Variants in GABRA4 observed in about 807,000 individuals in gnomAD.
The protein encoded by GABRA4 is gamma-aminobutyric acid type A receptor subunit alpha4.
A neutral mutation model predicts 49.7 loss-of-function variants in GABRA4; 12 were observed. The ratio of observed to expected loss-of-function variants is 0.24; its 90% CI spans 0.15 to 0.39. The LOEUF (loss-of-function observed/expected upper bound fraction) is 0.39, where lower values mean the gene tolerates loss of function less well. Ranked by LOEUF, GABRA4 falls within the 10% of genes least tolerant of loss-of-function variation. The pLI is 1.00. For synonymous variants in GABRA4, 288 were observed against 240.2 expected (o/e 1.20, Z -1.84); for missense variants, 506 against 686.0 (o/e 0.74, Z 2.93).
chr4:46,973,922 CA>C (rs1271544099), intron 6 of GABRA4, among the ~76,000 whole-genome samples: 1 of 151,654 alleles, frequency 6.6e-6, no homozygotes, highest in Non-Finnish European at 1.5e-5. Flanking sequence ...AAAGCAAAGA[CA>C]AAAAACAAGA....
At position 46,923,040 on chromosome 4, in the gene GABRA4, G is replaced by A. The variant is rs554627626; in HGVS notation, c.*5185C>T. ...AGGTTGTCCGCTCCTTATGAGAATC[G>A]ACTAATGCCTGATGATCTGAGATGG... is the stretch of plus-strand genomic sequence containing the variant. On this transcript the variant is annotated 3_prime_UTR_variant, in exon 9 of 9. Transcript: ENST00000264318. The A allele has an allele frequency of 1.3e-5, 2 of 152,112 alleles. No homozygotes were observed. Among genetic ancestry groups the A allele is most frequent in the African/African-American group, 2.4e-5 (1 of 41,488 alleles). 9.4% of individuals were successfully genotyped at this position (152,112 alleles called of 1,614,324 possible). A position where few individuals can be genotyped will look rare whatever the true frequency, so the allele number is the denominator to read the frequency against.
At chr4:46,933,179 CTAGAGTA>C (rs1239562778) in intron 8 of GABRA4, among the ~76,000 whole-genome samples, 1 of 151,980 alleles carries the variant, frequency 6.6e-6, no homozygotes, top group Non-Finnish European at 1.5e-5. Flanking sequence ...AAGTAATGAG[CTAGAGTA>C]TAAAGACTGT....
chr4:46,977,951 G>A (rs996337762), intron 3 of GABRA4, among the ~76,000 whole-genome samples: 15 of 151,922 alleles, frequency 9.9e-5, no homozygotes, highest in Non-Finnish European at 1.9e-4. Flanking sequence ...TTTTACTTTA[G>A]ACTAGATAGC....
chr4:46,976,883 G>A (rs1476680822), intron 5 of GABRA4, among the ~76,000 whole-genome samples, 178 bp downstream of exon 5: 1 of 151,828 alleles, frequency 6.6e-6, no homozygotes, highest in Non-Finnish European at 1.5e-5. Flanking sequence ...GGGAAAGGAG[G>A]TTGTTTTTAT....
At chr4:46,962,318 A>G (rs1560474121) in intron 8 of GABRA4, among the ~76,000 whole-genome samples, 1 of 151,882 alleles carries the variant, frequency 6.6e-6, no homozygotes, top group African/African-American at 2.4e-5. Flanking sequence ...TCAATAGTTA[A>G]CAATCTGAAA....
chr4:46,939,091 A>G (rs1721705184), intron 8 of GABRA4, among the ~76,000 whole-genome samples: 1 of 151,978 alleles, frequency 6.6e-6, no homozygotes, highest in Admixed American at 6.6e-5. Flanking sequence ...TCATTCCCTT[A>G]TGGGGTGAGG....
At chr4:46,953,402 T>A (rs1167498644) in intron 8 of GABRA4, among the ~76,000 whole-genome samples, 1 of 152,134 alleles carries the variant, frequency 6.6e-6, no homozygotes, top group Non-Finnish European at 1.5e-5. Context: ...CTCCTAAACT[T>A]CTTGGAAATT....
In GABRA4 at chr4:46,928,543, T is replaced by C. The variant is rs762161588; in HGVS notation, c.1347A>G (p.Arg449=). Reference sequence around the variant, plus strand: ...AAGTAGGAGAAGCAGATGGAAGTGCTCTTGCTGCAGATATGGTTTCAGCTG... The same window carrying C: ...AAGTAGGAGAAGCAGATGGAAGTGCCCTTGCTGCAGATATGGTTTCAGCTG... ...ANAAETISAA[R]ALPSASPTSI... Residue 449 remains arginine (R), a synonymous_variant, in exon 9 of 9, where the codon AGA becomes AGG. Coordinates refer to ENST00000264318, the MANE Select transcript of GABRA4 (RefSeq NM_000809.4). 3.1e-6 allele frequency: 5 copies of C among 1,613,684 alleles called. No individual in the cohort carries two copies. Among genetic ancestry groups the C allele is most frequent in the Non-Finnish European group, 4.2e-6 (5 of 1,179,758 alleles).
chr4:46,980,409 C>G (rs571116732), intron 2 of GABRA4, among the ~76,000 whole-genome samples: 2 of 147,330 alleles, frequency 1.4e-5, no homozygotes, highest in Non-Finnish European at 3.0e-5. Flanking sequence ...AAATTGGTAT[C>G]ACTTAATTCC....
At chr4:46,964,737 C>T (rs920347393) in intron 8 of GABRA4, among the ~76,000 whole-genome samples, 1 of 151,796 alleles carries the variant, frequency 6.6e-6, no homozygotes, top group Non-Finnish European at 1.5e-5. Context: ...CCGAAAGAAA[C>T]TTTCAAACAA....
rs928423759 is a variant in GABRA4 at position 46,927,983 on chromosome 4, G to A, written c.*242C>T. On this transcript the variant is annotated 3_prime_UTR_variant, in exon 9 of 9. Coordinates refer to ENST00000264318, the MANE Select transcript of GABRA4 (RefSeq NM_000809.4). The stretch of plus-strand genomic sequence containing the variant: ...TATTTCTCTTATCCCAACTTTCCAG[G>A]ATGGTGTGTATTCTATCTAACTGAA... 2 of 335,572 alleles carry A rather than the reference G, an allele frequency of 6.0e-6. No individual in the cohort carries two copies. The highest frequency in any genetic ancestry group is 4.3e-5 in the African/African-American group (2 of 46,542). The allele number at this position is 335,572 out of a possible 1,614,324, so 20.8% of individuals were successfully genotyped here. A position where few individuals can be genotyped will look rare whatever the true frequency, so the allele number is the denominator to read the frequency against.
At chr4:46,947,614 G>A (rs1368822867) in intron 8 of GABRA4, among the ~76,000 whole-genome samples, 1 of 151,514 alleles carries the variant, frequency 6.6e-6, no homozygotes, top group Non-Finnish European at 1.5e-5. Context: ...GGAAAGAAGA[G>A]AAACATATTT....
chr4:46,976,454 T>C (rs1366429708), intron 5 of GABRA4, among the ~76,000 whole-genome samples: 1 of 151,396 alleles, frequency 6.6e-6, no homozygotes, highest in East Asian at 1.9e-4. Flanking sequence ...CCATAGCTTT[T>C]AGATAGAATC....
intron 8 of GABRA4, among the ~76,000 whole-genome samples, chr4:46,938,846 T>C (rs1721696415): frequency 6.6e-6 from 1 of 152,008 alleles, no homozygotes; most frequent in African/African-American, 2.4e-5. Flanking sequence ...ATTCATTCAT[T>C]CAACTGTTTC....
At chr4:46,953,666 C>A (rs1560470207) in intron 8 of GABRA4, among the ~76,000 whole-genome samples, 1 of 152,114 alleles carries the variant, frequency 6.6e-6, no homozygotes. Flanking sequence ...AGTAGATGAT[C>A]TAAAAAATGT....
At chr4:46,993,305 C>G in intron 1 of GABRA4, 34 bp downstream of exon 1, 1 of 1,584,888 alleles carries the variant, frequency 6.3e-7, no homozygotes, top group South Asian at 1.1e-5. Flanking sequence ...CTCCACTTTC[C>G]GTTGCCCACC....
intron 2 of GABRA4, among the ~76,000 whole-genome samples, chr4:46,985,849 T>C (rs1195815893): frequency 1.3e-5 from 2 of 152,008 alleles, no homozygotes; most frequent in African/African-American, 2.4e-5. Context: ...TCTCTTGTTT[T>C]CTAAAAGACG....
intron 8 of GABRA4, among the ~76,000 whole-genome samples, chr4:46,963,488 T>C (rs1276990630): frequency 2.6e-5 from 4 of 151,788 alleles, no homozygotes; most frequent in Admixed American, 2.0e-4. Flanking sequence ...CTTTTGCTTC[T>C]TCCTCATTTT....
intron 7 of GABRA4, among the ~76,000 whole-genome samples, chr4:46,968,335 T>C (rs773433447): frequency 6.6e-6 from 1 of 150,966 alleles, no homozygotes; most frequent in Non-Finnish European, 1.5e-5. Flanking sequence ...GAAAACAATA[T>C]CTTGGCACAT....
Sources: allele counts gnomAD v4.1 joint callset (sites outside exome capture counted in the v4.1 genomes callset), GRCh38; gene constraint gnomAD v4.1.1; transcripts MANE v1.5; gene names NCBI Gene and HGNC (gene_info 2026-07-23, HGNC 2026-07-21).